Variants in IARS1 observed in about 807,000 individuals in gnomAD.
IARS1 encodes the protein isoleucine--tRNA ligase, cytoplasmic.
Under a neutral mutation model 168.2 loss-of-function variants are expected in IARS1, and 124 were observed. That is an observed-to-expected ratio of 0.74 (90% CI 0.64 to 0.86). The LOEUF (loss-of-function observed/expected upper bound fraction) is 0.86, where lower values mean the gene tolerates loss of function less well. Among genes scored for constraint, IARS1 ranks in the 40% least tolerant of loss-of-function variants. IARS1 has a pLI of 0.00. For missense variants in IARS1, 1,452 were observed against 1,515.8 expected (o/e 0.96, Z 0.70); for synonymous variants, 532 against 529.4 (o/e 1.00, Z -0.07).
chr9:92,236,994 T>C (rs1264725604), intron 30 of IARS1, among the ~76,000 whole-genome samples: 1 of 152,266 alleles, frequency 6.6e-6, no homozygotes, highest in East Asian at 1.9e-4. Context: ...TGCTGAATTT[T>C]TGGGTAAGAA....
rs768376628 is a variant in IARS1 at position 92,243,227 on chromosome 9, G to C, written c.2989C>G (p.Leu997Val). The change falls in exon 28 of 34, where the codon CTT becomes GTT. Residue 997 changes from leucine (L) to valine (V), a missense_variant. Coordinates refer to ENST00000443024, the MANE Select transcript of IARS1 (RefSeq NM_002161.6). ...ACTGACAAACTAACCTTTTTGCGAA[G>C]TTTCTGTATGCGATTGATGACTTCC... is the stretch of plus-strand genomic sequence containing the variant. ...AREVINRIQK[L>V]RKKCNLVPTD... The C allele has an allele frequency of 6.2e-7, 1 of 1,613,074 alleles. No individual in the cohort carries two copies. The highest frequency in any genetic ancestry group is 1.1e-5 in the South Asian group (1 of 91,068).
intron 1 of IARS1, among the ~76,000 whole-genome samples, chr9:92,291,561 T>C (rs1170790146): frequency 5.9e-5 from 9 of 152,236 alleles, no homozygotes; most frequent in African/African-American, 1.9e-4. Flanking sequence ...CTGATCACAG[T>C]ATGCCATTAA....
chr9:92,281,279 G>A (rs565287137), intron 6 of IARS1, among the ~76,000 whole-genome samples: 4 of 151,990 alleles, frequency 2.6e-5, no homozygotes, highest in African/African-American at 9.7e-5. Flanking sequence ...GATTATAGGT[G>A]CGTGTCACCA....
intron 33 of IARS1, among the ~76,000 whole-genome samples, chr9:92,214,231 C>T (rs72750408): frequency 0.031 from 4,655 of 151,700 alleles, 109 homozygotes; most frequent in South Asian, 0.079. Context: ...GCAGAGCAGA[C>T]GGGCAATGTA....
chr9:92,287,830 C>G lies in IARS1; in HGVS notation c.357G>C (p.Gln119His), dbSNP rs1174321327. The change falls in exon 4 of 34, where the codon CAG becomes CAC. Residue 119 changes from glutamine (Q) to histidine (H), a missense_variant. Gln to His is a conservative substitution (Grantham distance 24). Coordinates refer to ENST00000443024, the MANE Select transcript of IARS1 (RefSeq NM_002161.6). ...AKMGITEYNN[Q>H]CRAIVMRYSA... Reference sequence around the variant, plus strand: ...AATATCTCATCACAATTGCTCGGCACTGATTGTTATACTCTGTAATCCCCA... The same window carrying G: ...AATATCTCATCACAATTGCTCGGCAGTGATTGTTATACTCTGTAATCCCCA... 3.1e-6 allele frequency: 5 copies of G among 1,613,894 alleles called. No individual in the cohort carries two copies. The East Asian group carries it at 1.1e-4, about 36-fold the overall frequency.
rs191587869 is a variant in IARS1 at position 92,293,105 on chromosome 9, T to C, written c.-8+506A>G. Among the ~76,000 whole-genome samples the C allele has an allele frequency of 2.0e-3, 307 of 152,344 alleles. 2 individuals carry two copies. The highest frequency in any genetic ancestry group is 7.0e-3 in the African/African-American group (290 of 41,576). ...GGTCTTCATAATCTATTAAGTCAAA[T>C]GTAACCTGAAAGTGGGACCGTCTCA... On this transcript the variant is annotated intron_variant, in intron 1 of 33. Transcript: ENST00000443024.
chr9:92,269,816 G>A (rs1832767532), intron 13 of IARS1, 69 bp downstream of exon 13: 8 of 984,666 alleles, frequency 8.1e-6, no homozygotes, highest in Admixed American at 1.8e-5. Flanking sequence ...ATAACTTGGG[G>A]GAAGTGTAAA....
At chr9:92,246,820 T>C (rs1829268896) in intron 26 of IARS1, among the ~76,000 whole-genome samples, 2 of 152,222 alleles carry the variant, frequency 1.3e-5, no homozygotes, top group Non-Finnish European at 2.9e-5. Flanking sequence ...TGTGAGCCTC[T>C]GTGCCCAGCT....
At chr9:92,221,255 C>G (rs573987209) in intron 33 of IARS1, among the ~76,000 whole-genome samples, 18 of 152,162 alleles carry the variant, frequency 1.2e-4, no homozygotes, top group African/African-American at 4.3e-4. Flanking sequence ...TATGTCTAAA[C>G]AAGGTGTCAG....
chr9:92,222,649 T>C lies in IARS1; in HGVS notation c.3577A>G (p.Thr1193Ala), dbSNP rs1325019452. The C allele has an allele frequency of 1.9e-6, 3 of 1,613,252 alleles. No individual in the cohort carries two copies. Reference sequence around the variant, plus strand: ...CCAAGTGGGTTTTCAAGCAGGAGAGTGCCCACTGTCCCCATTAAACACTCT... The same window carrying C: ...CCAAGTGGGTTTTCAAGCAGGAGAGCGCCCACTGTCCCCATTAAACACTCT... ...PQECLMGTVGTLLLENPLGQN... is the reference protein window; with the variant it reads ...PQECLMGTVGALLLENPLGQN... The change falls in exon 33 of 34, where the codon ACT becomes GCT. Residue 1193 changes from threonine to alanine, a missense_variant. Transcript: ENST00000443024.
intron 30 of IARS1, 102 bp from the exon 31 acceptor site, chr9:92,229,228 T>G (rs972134844): frequency 2.4e-5 from 29 of 1,189,838 alleles, no homozygotes; most frequent in Non-Finnish European, 3.4e-5. Flanking sequence ...AGCCCTAATA[T>G]TTTTCCTTTT....
intron 33 of IARS1, among the ~76,000 whole-genome samples, chr9:92,216,219 T>C (rs994389400): frequency 2.7e-5 from 4 of 148,936 alleles, no homozygotes; most frequent in Non-Finnish European, 4.5e-5. Flanking sequence ...GACAAGCAAA[T>C]GCTGAGAGAT....
intron 33 of IARS1, among the ~76,000 whole-genome samples, chr9:92,221,632 G>C (rs897454031): frequency 6.6e-6 from 1 of 152,328 alleles, no homozygotes; most frequent in South Asian, 2.1e-4. Flanking sequence ...TCTCAGAAGT[G>C]AATAGTGCTA....
chr9:92,257,562 G>C (rs1170200773), intron 19 of IARS1, among the ~76,000 whole-genome samples: 1 of 152,158 alleles, frequency 6.6e-6, no homozygotes, highest in Non-Finnish European at 1.5e-5. Flanking sequence ...GCTGCAGAGA[G>C]GAGGAATGCT....
chr9:92,250,959 G>C, intron 22 of IARS1, 125 bp from the exon 23 acceptor site: 1 of 1,037,438 alleles, frequency 9.6e-7, no homozygotes, highest in East Asian at 2.5e-5. Flanking sequence ...ATGAGCATGA[G>C]GTTACAAAAC....
At chr9:92,224,898 C>T (rs771234415) in intron 31 of IARS1, among the ~76,000 whole-genome samples, 5 of 152,150 alleles carry the variant, frequency 3.3e-5, no homozygotes, top group Non-Finnish European at 7.4e-5. Flanking sequence ...CCGCCAGCCA[C>T]TCCTGCCCTT....
At chr9:92,264,393 A>C (rs1310373822) in intron 16 of IARS1, among the ~76,000 whole-genome samples, 1 of 149,166 alleles carries the variant, frequency 6.7e-6, no homozygotes, top group Non-Finnish European at 1.5e-5. Flanking sequence ...CCATGGAAAG[A>C]AAGTAATTCA....
intron 33 of IARS1, among the ~76,000 whole-genome samples, chr9:92,212,580 A>G (rs1837941501): frequency 6.6e-6 from 1 of 152,234 alleles, no homozygotes; most frequent in African/African-American, 2.4e-5. Context: ...AGTGAGAGAT[A>G]AATGTCATCT....
intron 31 of IARS1, 64 bp from the exon 32 acceptor site, chr9:92,223,553 T>C (rs1564156968): frequency 7.4e-7 from 1 of 1,349,776 alleles, no homozygotes; most frequent in East Asian, 2.3e-5. Context: ...AGTCATTCAA[T>C]TTTTCCTATT....
Sources: gnomAD v4.1 joint callset for allele counts (sites outside exome capture counted in the v4.1 genomes callset) on GRCh38, gnomAD v4.1.1 for gene constraint, MANE v1.5 for transcripts, NCBI Gene and HGNC (gene_info 2026-07-23, HGNC 2026-07-21) for gene names.